The following EFCAB6 variants were observed in gnomAD, a reference collection of about 807,000 sequenced individuals.
EFCAB6 encodes the protein EF-hand calcium binding domain 6, also known as EF-hand calcium-binding domain-containing protein 6.
Under a neutral mutation model 169.8 loss-of-function variants are expected in EFCAB6, and 156 were observed. The observed-to-expected ratio is 0.92, with a 90% confidence interval of 0.81 to 1.05. The LOEUF (loss-of-function observed/expected upper bound fraction) is 1.05. Among genes scored for constraint, EFCAB6 ranks in the 50% least tolerant of loss-of-function variants. EFCAB6 has a pLI of 0.00. For missense variants in EFCAB6, 1,800 were observed against 1,829.1 expected, an observed-to-expected ratio of 0.98 and a Z score of 0.29; for synonymous variants, 698 against 676.4, an observed-to-expected ratio of 1.03 and a Z score of -0.50.
intron 26 of EFCAB6, among the ~76,000 whole-genome samples, chr22:43,560,227 T>G (rs932225517): frequency 1.3e-5 from 2 of 152,164 alleles, no homozygotes; most frequent in African/African-American, 4.8e-5. Context: ...GGGAGAATCA[T>G]TAGACATATT....
At chr22:43,645,362 A>T (rs1006897091) in intron 17 of EFCAB6, among the ~76,000 whole-genome samples, 2 of 152,248 alleles carry the variant, frequency 1.3e-5, no homozygotes, top group African/African-American at 2.4e-5. Flanking sequence ...CGCAAGTCCA[A>T]GTCTAAAACT....
intron 24 of EFCAB6, among the ~76,000 whole-genome samples, chr22:43,588,651 TA>T (rs1364828405): frequency 4.6e-5 from 7 of 151,924 alleles, no homozygotes; most frequent in African/African-American, 1.5e-4. Flanking sequence ...AATTCATTAA[TA>T]AAATAAGTCA....
rs968779514 is a variant in EFCAB6, at chr22:43,643,449, C to A, written c.1984-8233G>T. Reference sequence around the variant, plus strand: ...CAAAGCCCAGAGATGCAAGAGCCTGCCTCACGGTCACGTGTGAGCAATAAG... The same window carrying A: ...CAAAGCCCAGAGATGCAAGAGCCTGACTCACGGTCACGTGTGAGCAATAAG... On this transcript the variant is annotated intron_variant, in intron 17 of 31. Coordinates refer to ENST00000262726, the MANE Select transcript of EFCAB6 (RefSeq NM_022785.4). Among the ~76,000 whole-genome samples, 5 of 152,238 alleles carry A rather than the reference C, an allele frequency of 3.3e-5. No individual in the cohort carries two copies. The East Asian group carries it at 9.6e-4, about 29-fold the overall frequency.
At chr22:43,675,029 C>T (rs2057662542) in intron 13 of EFCAB6, among the ~76,000 whole-genome samples, 1 of 151,900 alleles carries the variant, frequency 6.6e-6, no homozygotes, top group African/African-American at 2.4e-5. Flanking sequence ...CATCTACTAC[C>T]TATGCAGGAC....
chr22:43,664,936 T>A (rs1269620869), intron 17 of EFCAB6, among the ~76,000 whole-genome samples: 3 of 151,994 alleles, frequency 2.0e-5, no homozygotes, highest in Non-Finnish European at 4.4e-5. Flanking sequence ...GCTGTGATAA[T>A]CACATGGGAG....
At position 43,540,217 on chromosome 22, in the gene EFCAB6, A is replaced by G. The variant is rs377615470; in HGVS notation, c.3789T>C (p.Ser1263=). 7 of 1,614,078 alleles carry G rather than the reference A, an allele frequency of 4.3e-6. No homozygotes were observed. The highest frequency in any genetic ancestry group is 1.3e-5 in the African/African-American group (1 of 74,924). The change falls in exon 28 of 32, where the codon AGT becomes AGC. Residue 1263 remains serine (S), a synonymous_variant. Coordinates refer to ENST00000262726, the MANE Select transcript of EFCAB6 (RefSeq NM_022785.4). ...TGGTGCCTTCCGAGACGTCAGGGAC[A>G]CTGCTCCCTCTCTGGGCCACGGCCG... ...GDSAVAQRGS[S]VPDVSEGTRS... is the part of the protein sequence containing the mutation.
intron 23 of EFCAB6, among the ~76,000 whole-genome samples, chr22:43,598,888 C>T (rs2052264035): frequency 6.6e-6 from 1 of 152,178 alleles, no homozygotes. Flanking sequence ...TTGATCATTA[C>T]ACATTGTATA....
chr22:43,648,654 C>T (rs1201951560), intron 17 of EFCAB6, among the ~76,000 whole-genome samples: 1 of 152,174 alleles, frequency 6.6e-6, no homozygotes, highest in African/African-American at 2.4e-5. Context: ...CAAACCTCAG[C>T]ATTCTGCAAA....
At chr22:43,804,297 CAA>C (rs777369640) in intron 2 of EFCAB6, among the ~76,000 whole-genome samples, 19 of 151,844 alleles carry the variant, frequency 1.3e-4, no homozygotes, top group Non-Finnish European at 8.8e-5. Context: ...TCCAACACAC[CAA>C]AGTCTATGGG....
intron 28 of EFCAB6, among the ~76,000 whole-genome samples, chr22:43,538,489 C>T (rs1012366469): frequency 7.9e-5 from 12 of 152,108 alleles, no homozygotes; most frequent in African/African-American, 2.7e-4. Context: ...CCCAGGTTCA[C>T]GCCATTCTCC....
chr22:43,616,008 T>G, intron 20 of EFCAB6, 86 bp from the exon 21 acceptor site: 2 of 1,076,498 alleles, frequency 1.9e-6, no homozygotes, highest in Non-Finnish European at 2.7e-6. Context: ...CCCCCCTGTT[T>G]GTTTCAAGGA....
At chr22:43,619,383 T>C (rs1319834407) in intron 20 of EFCAB6, among the ~76,000 whole-genome samples, 1 of 152,016 alleles carries the variant, frequency 6.6e-6, no homozygotes, top group Non-Finnish European at 1.5e-5. Context: ...AAAATCAGAG[T>C]GTCATAATAA....
At chr22:43,636,413 T>C (rs2055400967) in intron 17 of EFCAB6, among the ~76,000 whole-genome samples, 2 of 152,094 alleles carry the variant, frequency 1.3e-5, no homozygotes, top group African/African-American at 4.8e-5. Flanking sequence ...TTAGTGCCCG[T>C]GTGTGCCAGG....
chr22:43,611,658 T>G (rs2053315144), intron 21 of EFCAB6, among the ~76,000 whole-genome samples: 1 of 151,808 alleles, frequency 6.6e-6, no homozygotes, highest in Non-Finnish European at 1.5e-5. Flanking sequence ...ATTAGCTGAG[T>G]GTGGTGGCAC....
intron 25 of EFCAB6, among the ~76,000 whole-genome samples, chr22:43,579,765 C>T (rs187045910): frequency 6.3e-4 from 94 of 149,266 alleles, no homozygotes; most frequent in African/African-American, 2.2e-3. Flanking sequence ...ATTCCGTACA[C>T]GCAGGCATCA....
intron 10 of EFCAB6, among the ~76,000 whole-genome samples, chr22:43,702,781 T>C (rs2058814030): frequency 6.6e-6 from 1 of 151,990 alleles, no homozygotes; most frequent in Admixed American, 6.5e-5. Flanking sequence ...AGCTAATAAC[T>C]CCCAGAAATA....
rs546456491 is a variant in EFCAB6, at chr22:43,647,125, G to C, written c.1984-11909C>G. ...TAAATCTTGCTATAAACCTAAAGCTGCTCTAAAAACATTCTATACAAAAAC... is the reference window on the plus strand; with the variant it reads ...TAAATCTTGCTATAAACCTAAAGCTCCTCTAAAAACATTCTATACAAAAAC... On this transcript the variant is annotated intron_variant, in intron 17 of 31. Transcript: ENST00000262726. Among the ~76,000 whole-genome samples the C allele has an allele frequency of 4.8e-5, 6 of 124,548 alleles. No individual in the cohort carries two copies. The South Asian group carries it at 1.6e-3, about 33-fold the overall frequency. The allele number at this position is 124,548 out of a possible 152,430, so 81.7% of individuals were successfully genotyped here.
At chr22:43,661,871 C>T (rs2057018679) in intron 17 of EFCAB6, among the ~76,000 whole-genome samples, 1 of 152,144 alleles carries the variant, frequency 6.6e-6, no homozygotes, top group African/African-American at 2.4e-5. Flanking sequence ...AATCCCAGCA[C>T]TCTGGGAGGC....
intron 6 of EFCAB6, among the ~76,000 whole-genome samples, chr22:43,737,097 C>T (rs2060168620): frequency 6.6e-6 from 1 of 152,130 alleles, no homozygotes; most frequent in South Asian, 2.1e-4. Context: ...TTGGTGAGAC[C>T]CTAACCTGGG....
Sources: allele counts gnomAD v4.1 joint callset (sites outside exome capture counted in the v4.1 genomes callset), GRCh38; gene constraint gnomAD v4.1.1; transcripts MANE v1.5; gene names NCBI Gene and HGNC (gene_info 2026-07-23, HGNC 2026-07-21).